The following NECTIN3 variants were observed in gnomAD, a reference collection of about 807,000 sequenced individuals.
The protein encoded by NECTIN3 is nectin-3.
NECTIN3 carries 8 observed loss-of-function variants against 49.4 expected under a neutral mutation model. That is an observed-to-expected ratio of 0.16 (90% CI 0.10 to 0.29). NECTIN3 has a LOEUF of 0.29. Among genes scored for constraint, NECTIN3 ranks in the 10% least tolerant of loss-of-function variants. The pLI is 1.00. For missense variants in NECTIN3, 581 were observed against 654.6 expected (o/e 0.89, Z 1.23); for synonymous variants, 277 against 241.1 (o/e 1.15, Z -1.38).
chr3:111,179,534 A>G (rs1166054388), intron 7 of NECTIN3, among the ~76,000 whole-genome samples: 1 of 152,150 alleles, frequency 6.6e-6, no homozygotes, highest in East Asian at 1.9e-4. Flanking sequence ...GGGATGTAAT[A>G]CACAGACAGA....
chr3:111,117,854 T>A (rs1488544946), intron 2 of NECTIN3, among the ~76,000 whole-genome samples: 1 of 151,898 alleles, frequency 6.6e-6, no homozygotes, highest in East Asian at 1.9e-4. Flanking sequence ...GGGGGCAGAG[T>A]AGATTGAGAG....
intron 3 of NECTIN3, among the ~76,000 whole-genome samples, chr3:111,119,446 C>A (rs542700804): frequency 1.3e-5 from 2 of 152,326 alleles, no homozygotes; most frequent in African/African-American, 4.8e-5. Flanking sequence ...ATTCTCCTGC[C>A]TCAGCCTCCC....
chr3:111,138,386 T>G (rs2034650928), downstream of NECTIN3, among the ~76,000 whole-genome samples: 1 of 151,600 alleles, frequency 6.6e-6, no homozygotes, highest in Non-Finnish European at 1.5e-5. Context: ...TAAACCAACT[T>G]TCATCTGTTT....
At chr3:111,137,984 AAAT>A (rs2107501794), downstream of NECTIN3, among the ~76,000 whole-genome samples, 1 of 151,636 alleles carries the variant, frequency 6.6e-6, no homozygotes, top group Non-Finnish European at 1.5e-5. Flanking sequence ...CCATAGTTAT[AAAT>A]TATCTTATCT....
At chr3:111,119,532 A>AT (rs1406593720) in intron 3 of NECTIN3, among the ~76,000 whole-genome samples, 1 of 152,124 alleles carries the variant, frequency 6.6e-6, no homozygotes, top group Non-Finnish European at 1.5e-5. Flanking sequence ...GGGTTTCACC[A>AT]TGTTGGCCAG....
At chr3:111,131,808 A>G (rs907013821) in intron 5 of NECTIN3, among the ~76,000 whole-genome samples, 3 of 151,850 alleles carry the variant, frequency 2.0e-5, no homozygotes, top group Non-Finnish European at 4.4e-5. Flanking sequence ...CACTGTTCTG[A>G]AAAAAACTAG....
intron 4 of NECTIN3, among the ~76,000 whole-genome samples, chr3:111,124,728 A>T (rs1272947028): frequency 6.6e-6 from 1 of 152,150 alleles, no homozygotes; most frequent in African/African-American, 2.4e-5. Flanking sequence ...AAACAAAATT[A>T]TTCTATCTGT....
chr3:111,073,940 T>G (rs1047758903), intron 1 of NECTIN3, among the ~76,000 whole-genome samples: 1 of 152,200 alleles, frequency 6.6e-6, no homozygotes, highest in African/African-American at 2.4e-5. Context: ...AATGTAGCAT[T>G]GGAAGGACTT....
chr3:111,190,255 A>C (rs1460438441), upstream of NECTIN3, among the ~76,000 whole-genome samples: 1 of 152,232 alleles, frequency 6.6e-6, no homozygotes, highest in Non-Finnish European at 1.5e-5. Flanking sequence ...GAAGCACTGT[A>C]GAATTATGCT....
chr3:111,164,735 A>G (rs1052875435), intron 7 of NECTIN3, among the ~76,000 whole-genome samples: 29 of 152,322 alleles, frequency 1.9e-4, no homozygotes, highest in African/African-American at 5.5e-4. Context: ...AAGAACACCA[A>G]TCGTTGGACT....
intron 1 of NECTIN3, chr3:111,192,546 T>C (rs567652461): frequency 2.2e-6 from 2 of 901,536 alleles, no homozygotes; most frequent in South Asian, 3.6e-5. Flanking sequence ...TAAGATCTGG[T>C]AGTCCTTGAA....
At chr3:111,076,903 G>A (rs186943626) in intron 1 of NECTIN3, among the ~76,000 whole-genome samples, 1 of 151,698 alleles carries the variant, frequency 6.6e-6, no homozygotes, top group South Asian at 2.1e-4. Context: ...TGAACCCCAG[G>A]GGGAGGAGGC....
chr3:111,136,593 TAAAG>T lies in NECTIN3; in HGVS notation c.*2380_*2383del, dbSNP rs1263198193. On this transcript the variant is annotated 3_prime_UTR_variant, in exon 6 of 6. Transcript: ENST00000485303. ...TTTGAAAACATGAATAGTCATTAAA[TAAAG>T]ACATTGTTAAATTAGTTTTTGAATA... is the stretch of plus-strand genomic sequence containing the variant. The T allele has an allele frequency of 3.2e-6, 3 of 928,650 alleles. No homozygotes were observed. Among genetic ancestry groups the T allele is most frequent in the East Asian group, 1.2e-4 (1 of 8,512 alleles). The allele number at this position is 928,650 out of a possible 1,614,324, so 57.5% of individuals were successfully genotyped here. A position where few individuals can be genotyped will look rare whatever the true frequency, so the allele number is the denominator to read the frequency against.
intron 7 of NECTIN3, chr3:111,147,615 A>G (rs932385572): frequency 6.3e-5 from 50 of 795,298 alleles, no homozygotes; most frequent in Non-Finnish European, 9.7e-5. Flanking sequence ...TATGCATTAA[A>G]TGTTGTTTAG....
chr3:111,130,002 C>T (rs528063503), intron 5 of NECTIN3, among the ~76,000 whole-genome samples: 1 of 146,864 alleles, frequency 6.8e-6, no homozygotes, highest in African/African-American at 2.5e-5. Flanking sequence ...GTCGCCCAGG[C>T]TTGAGTGCAG....
intron 2 of NECTIN3, 53 bp from the exon 3 acceptor site, chr3:111,118,603 A>G: frequency 7.1e-7 from 1 of 1,404,394 alleles, no homozygotes; most frequent in Non-Finnish European, 9.5e-7. Context: ...TTGGAAAGAT[A>G]TAAACATATT....
intron 1 of NECTIN3, among the ~76,000 whole-genome samples, chr3:111,101,817 G>A (rs1396022143): frequency 6.6e-6 from 1 of 152,130 alleles, no homozygotes; most frequent in Non-Finnish European, 1.5e-5. Context: ...CAAGACTTTA[G>A]TTCTAGTTCT....
At chr3:111,098,962 A>G (rs2032749421) in intron 1 of NECTIN3, among the ~76,000 whole-genome samples, 1 of 151,430 alleles carries the variant, frequency 6.6e-6, no homozygotes, top group Admixed American at 6.6e-5. Context: ...AAACAAACTT[A>G]ATTAAGAACT....
At chr3:111,172,743 C>T (rs2035457394) in intron 7 of NECTIN3, among the ~76,000 whole-genome samples, 2 of 152,154 alleles carry the variant, frequency 1.3e-5, no homozygotes, top group African/African-American at 4.8e-5. Flanking sequence ...TTTCCTTGAT[C>T]TGCCATTTAC....
Sources: allele counts gnomAD v4.1 joint callset (sites outside exome capture counted in the v4.1 genomes callset), GRCh38; gene constraint gnomAD v4.1.1; transcripts MANE v1.5; gene names NCBI Gene and HGNC (gene_info 2026-07-23, HGNC 2026-07-21).